Variants in B4GALT1 observed in about 807,000 individuals in gnomAD.
The protein encoded by B4GALT1 is beta-1,4-galactosyltransferase 1.
B4GALT1 carries 16 observed loss-of-function variants against 34.9 expected under a neutral mutation model. The ratio of observed to expected loss-of-function variants is 0.46; its 90% CI spans 0.31 to 0.70. The LOEUF (loss-of-function observed/expected upper bound fraction) is 0.70. Among genes scored for constraint, B4GALT1 ranks in the 30% least tolerant of loss-of-function variants. The probability of loss-of-function intolerance (pLI) is 0.05; values close to 1 mark genes in which losing one functional copy is unlikely to be tolerated. For missense variants in B4GALT1, 445 were observed against 530.5 expected, an observed-to-expected ratio of 0.84 and a Z score of 1.58; for synonymous variants, 221 against 218.1, an observed-to-expected ratio of 1.01 and a Z score of -0.12.
At chr9:33,139,867 C>T (rs1195566115) in intron 1 of B4GALT1, among the ~76,000 whole-genome samples, 4 of 152,238 alleles carry the variant, frequency 2.6e-5, no homozygotes, top group Admixed American at 6.5e-5. Context: ...CTCTCGGCCC[C>T]GCTGGGCTGG....
At chr9:33,106,572 A>G (rs1243675617), downstream of B4GALT1, among the ~76,000 whole-genome samples, 4 of 152,318 alleles carry the variant, frequency 2.6e-5, no homozygotes, top group East Asian at 7.7e-4. Flanking sequence ...CGTGGATGGC[A>G]TTGGGCACAA....
chr9:33,130,164 T>G (rs1156863298), intron 2 of B4GALT1, among the ~76,000 whole-genome samples: 1 of 152,182 alleles, frequency 6.6e-6, no homozygotes, highest in Admixed American at 6.5e-5. Context: ...TGGCCAGCTG[T>G]GCCTGCATTC....
intron 2 of B4GALT1, among the ~76,000 whole-genome samples, chr9:33,128,863 C>A (rs1183935022): frequency 6.6e-6 from 1 of 152,208 alleles, no homozygotes; most frequent in African/African-American, 2.4e-5. Flanking sequence ...TGTGTAGGAA[C>A]CAGCTGCTTG....
the B4GALT1 span, among the ~76,000 whole-genome samples, chr9:33,179,122 C>G: frequency 6.6e-6 from 1 of 152,180 alleles, no homozygotes; most frequent in South Asian, 2.1e-4. Flanking sequence ...GTTGATTGGC[C>G]AACCCAACAT....
At chr9:33,175,003 AT>A in the B4GALT1 span, among the ~76,000 whole-genome samples, 2 of 57,822 alleles carry the variant, frequency 3.5e-5, no homozygotes, top group South Asian at 6.3e-4. Context: ...ATATATATAT[AT>A]ATATATATAT....
At chr9:33,174,568 A>G in the B4GALT1 span, among the ~76,000 whole-genome samples, 1 of 150,114 alleles carries the variant, frequency 6.7e-6, no homozygotes, top group East Asian at 2.0e-4. Flanking sequence ...AGAATCGCTT[A>G]AACCTGGGAG....
rs528604255 is a variant in B4GALT1, at chr9:33,159,875, C to T, written c.412+6883G>A. On this transcript the variant is annotated intron_variant, in intron 1 of 5. Coordinates refer to ENST00000379731, the MANE Select transcript of B4GALT1 (RefSeq NM_001497.4). ...AGTCCACAGAAGTCCAGCACAGGGA[C>T]TTAGCTGCTAAAGAAACAAATGGAG... 2.0e-5 allele frequency among the ~76,000 whole-genome samples: 3 copies of T among 152,340 alleles called. No homozygotes were observed. The South Asian group carries it at 6.2e-4, about 32-fold the overall frequency.
intron 1 of B4GALT1, among the ~76,000 whole-genome samples, chr9:33,144,885 C>T (rs1388233788): frequency 6.6e-6 from 1 of 152,168 alleles, no homozygotes; most frequent in Non-Finnish European, 1.5e-5. Context: ...ATGTATTGAC[C>T]CACACTGCAC....
chr9:33,155,757 T>C (rs1840586066), intron 1 of B4GALT1, among the ~76,000 whole-genome samples: 1 of 152,212 alleles, frequency 6.6e-6, no homozygotes, highest in Non-Finnish European at 1.5e-5. Flanking sequence ...AGGAATTTTA[T>C]ATGTGGCCTA....
At chr9:33,120,983 G>A (rs552753725) in intron 2 of B4GALT1, among the ~76,000 whole-genome samples, 42 of 152,224 alleles carry the variant, frequency 2.8e-4, no homozygotes, top group African/African-American at 1.0e-3. Flanking sequence ...AGGTGAAAAA[G>A]GCATTTAAAC....
intron 2 of B4GALT1, among the ~76,000 whole-genome samples, chr9:33,105,208 C>T (rs1281621707): frequency 2.0e-5 from 3 of 151,912 alleles, no homozygotes; most frequent in African/African-American, 7.3e-5. Flanking sequence ...GGCCCAATCT[C>T]GGCTCACCAC....
chr9:33,113,624 A>G (rs1389574042), intron 5 of B4GALT1, 38 bp from the exon 6 acceptor site: 1 of 1,613,880 alleles, frequency 6.2e-7, no homozygotes, highest in East Asian at 2.2e-5. Flanking sequence ...GTCTTAAAAC[A>G]AAAATCTTAA....
intron 1 of B4GALT1, among the ~76,000 whole-genome samples, chr9:33,156,146 G>A (rs921040355): frequency 6.6e-6 from 1 of 151,574 alleles, no homozygotes. Context: ...GGGGGCGGGG[G>A]AGGTGGAGAC....
chr9:33,115,967 A>C (rs1839932132), intron 4 of B4GALT1, 24 bp downstream of exon 4: 9 of 1,605,470 alleles, frequency 5.6e-6, no homozygotes, highest in Non-Finnish European at 6.8e-6. Context: ...CAGAGGAGAA[A>C]GATATCTAAG....
At chr9:33,125,203 G>A (rs966063603) in intron 2 of B4GALT1, among the ~76,000 whole-genome samples, 5 of 152,264 alleles carry the variant, frequency 3.3e-5, no homozygotes, top group African/African-American at 4.8e-5. Context: ...CTCTGGAGGC[G>A]GTGCTGGGAG....
At chr9:33,142,172 G>A (rs7873182) in intron 1 of B4GALT1, among the ~76,000 whole-genome samples, 54,813 of 151,618 alleles carry the variant, frequency 0.36, 10,445 homozygotes, top group East Asian at 0.59. Context: ...CAGTAGAGAC[G>A]GGGTTTCACC....
the B4GALT1 span, chr9:33,179,727 C>G: frequency 6.6e-6 from 1 of 152,174 alleles, no homozygotes; most frequent in East Asian, 1.9e-4. Flanking sequence ...GTGTTAGATG[C>G]TTTTGCCCAA....
At chr9:33,162,762 C>T (rs1840692275) in intron 1 of B4GALT1, among the ~76,000 whole-genome samples, 1 of 152,214 alleles carries the variant, frequency 6.6e-6, no homozygotes, top group Non-Finnish European at 1.5e-5. Context: ...TCATCAGAGG[C>T]TCCACTGCAG....
At chr9:33,157,268 C>T (rs1277627357) in intron 1 of B4GALT1, among the ~76,000 whole-genome samples, 2 of 152,270 alleles carry the variant, frequency 1.3e-5, no homozygotes, top group Middle Eastern at 6.8e-3. Flanking sequence ...TGATTCCAAA[C>T]CTCTTGGAAA....
Sources: gnomAD v4.1 joint callset for allele counts (sites outside exome capture counted in the v4.1 genomes callset) on GRCh38, gnomAD v4.1.1 for gene constraint, MANE v1.5 for transcripts, NCBI Gene and HGNC (gene_info 2026-07-23, HGNC 2026-07-21) for gene names.